Variants in CSMD1 observed in about 807,000 individuals in gnomAD.
The protein encoded by CSMD1 is CUB and Sushi multiple domains 1.
A neutral mutation model predicts 417.5 loss-of-function variants in CSMD1; 213 were observed. The observed-to-expected ratio is 0.51, with a 90% CI of 0.46 to 0.57. CSMD1 has a LOEUF of 0.57. Among genes scored for constraint, CSMD1 ranks in the 20% least tolerant of loss-of-function variants. The pLI is 0.00. For missense variants in CSMD1, 6,923 were observed against 4,529.7 expected (o/e 1.53, Z -15.17); for synonymous variants, 2,862 against 1,736.8 (o/e 1.65, Z -16.11).
At chr8:3,885,784 A>G in intron 5 of CSMD1, among the ~76,000 whole-genome samples, 1 of 152,328 alleles carries the variant, frequency 6.6e-6, no homozygotes, top group South Asian at 2.1e-4. Flanking sequence ...TTTATGACAG[A>G]AAGCTGACTT....
intron 2 of CSMD1, among the ~76,000 whole-genome samples, chr8:4,448,800 G>C (rs762851665): frequency 1.4e-4 from 21 of 152,134 alleles, no homozygotes; most frequent in Non-Finnish European, 2.5e-4. Flanking sequence ...TGCAGAAGGA[G>C]ACAGAAACCT....
rs55993904 is a variant in CSMD1 at position 4,138,044 on chromosome 8, A to ATTTTT, written c.416-105950_416-105946dup. On this transcript the variant is annotated intron_variant, in intron 3 of 69. Coordinates refer to ENST00000635120, the MANE Select transcript of CSMD1 (RefSeq NM_033225.6). The stretch of plus-strand genomic sequence containing the variant: ...AGGCGCCCGCCACCATGCCCGGCTA[A>ATTTTT]TTTTTTTTTTTTTTTTTTTTTTTTT... 4.1e-4 allele frequency among the ~76,000 whole-genome samples: 26 copies of ATTTTT among 62,700 alleles called. 1 individual carries two copies. Among genetic ancestry groups the ATTTTT allele is most frequent in the African/African-American group, 8.2e-4 (13 of 15,874 alleles). The allele number at this position is 62,700 out of a possible 152,430, so 41.1% of individuals were successfully genotyped here.
chr8:3,143,761 T>G (rs369350660), intron 40 of CSMD1, among the ~76,000 whole-genome samples: 2 of 152,152 alleles, frequency 1.3e-5, no homozygotes, highest in Non-Finnish European at 2.9e-5. Context: ...TTTAAAAAAA[T>G]TTTTGCATCT....
chr8:3,313,618 C>A (rs1302188350), intron 23 of CSMD1, among the ~76,000 whole-genome samples: 1 of 151,418 alleles, frequency 6.6e-6, no homozygotes. Flanking sequence ...AGTCAGGAAA[C>A]AACAGGTGCT....
intron 3 of CSMD1, among the ~76,000 whole-genome samples, chr8:4,069,537 A>T (rs1288163496): frequency 6.6e-6 from 1 of 152,018 alleles, no homozygotes; most frequent in East Asian, 1.9e-4. Flanking sequence ...TGTTCTTACC[A>T]CCCTCCCTCT....
intron 6 of CSMD1, among the ~76,000 whole-genome samples, chr8:3,744,726 T>C (rs927804651): frequency 1.3e-5 from 2 of 151,988 alleles, no homozygotes; most frequent in Non-Finnish European, 2.9e-5. Context: ...AAATGAAGAG[T>C]CAGTGACTTA....
intron 31 of CSMD1, among the ~76,000 whole-genome samples, chr8:3,203,672 A>T (rs534675755): frequency 9.8e-4 from 150 of 152,338 alleles, no homozygotes; most frequent in Non-Finnish European, 1.4e-3. Context: ...CTCAAAGGCC[A>T]CCCTGAAAAC....
At position 3,089,721 on chromosome 8, in the gene CSMD1, A is replaced by G. The variant is rs1814800430; in HGVS notation, c.7285+1795T>C. On this transcript the variant is annotated intron_variant, in intron 48 of 69. Coordinates refer to ENST00000635120, the MANE Select transcript of CSMD1 (RefSeq NM_033225.6). Reference sequence around the variant, plus strand: ...TAGATAAAGAATTTTTTATATTCACATATGACACGTGTCTATCTATCTGCC... The same window carrying G: ...TAGATAAAGAATTTTTTATATTCACGTATGACACGTGTCTATCTATCTGCC... Among the ~76,000 whole-genome samples, 3 of 150,130 alleles carry G rather than the reference A, an allele frequency of 2.0e-5. No homozygotes were observed. In the South Asian group the frequency reaches 6.4e-4, roughly 32 times the overall value.
intron 3 of CSMD1, among the ~76,000 whole-genome samples, chr8:4,283,629 A>C (rs1039341110): frequency 6.6e-6 from 1 of 152,194 alleles, no homozygotes. Flanking sequence ...TTCCCAAGAA[A>C]TGTGGGTAGA....
intron 54 of CSMD1, among the ~76,000 whole-genome samples, chr8:2,993,656 T>G (rs1453018551): frequency 6.6e-6 from 1 of 152,164 alleles, no homozygotes; most frequent in Admixed American, 6.5e-5. Flanking sequence ...GACGTATAGA[T>G]CTAATCCTCT....
At chr8:4,056,369 C>A (rs1169886759) in intron 3 of CSMD1, among the ~76,000 whole-genome samples, 1 of 151,338 alleles carries the variant, frequency 6.6e-6, no homozygotes, top group African/African-American at 2.4e-5. Context: ...AGGCATGAGC[C>A]ACCATGCCCA....
chr8:3,257,295 G>A (rs960876030), intron 26 of CSMD1, among the ~76,000 whole-genome samples: 1 of 152,204 alleles, frequency 6.6e-6, no homozygotes, highest in African/African-American at 2.4e-5. Flanking sequence ...CTGCACTCCA[G>A]CCCGCGCTAT....
intron 5 of CSMD1, among the ~76,000 whole-genome samples, chr8:3,803,104 C>G (rs1800546496): frequency 6.6e-6 from 1 of 152,164 alleles, no homozygotes; most frequent in African/African-American, 2.4e-5. Context: ...ATGCAGTGTT[C>G]TCTCCATCAT....
intron 12 of CSMD1, among the ~76,000 whole-genome samples, chr8:3,441,173 G>C (rs1242630997): frequency 1.3e-5 from 2 of 152,072 alleles, no homozygotes; most frequent in Admixed American, 6.6e-5. Flanking sequence ...GCTGTAAAAG[G>C]CTGGGAATGG....
chr8:4,647,404 G>T (rs1803593462), intron 1 of CSMD1, among the ~76,000 whole-genome samples: 1 of 150,936 alleles, frequency 6.6e-6, no homozygotes, highest in African/African-American at 2.4e-5. Flanking sequence ...GGTCTGTTAG[G>T]TAGGTACGCG....
At chr8:3,659,681 C>G (rs75688405) in intron 7 of CSMD1, among the ~76,000 whole-genome samples, 1 of 152,220 alleles carries the variant, frequency 6.6e-6, no homozygotes, top group East Asian at 1.9e-4. Context: ...TTTCTGTTAA[C>G]AATATGGGCT....
chr8:3,966,370 A>G (rs1812677891), intron 5 of CSMD1, among the ~76,000 whole-genome samples: 1 of 152,174 alleles, frequency 6.6e-6, no homozygotes. Context: ...ATAAACATCC[A>G]AGTCTTGCGT....
At chr8:4,390,545 G>C (rs11989046) in intron 3 of CSMD1, among the ~76,000 whole-genome samples, 9,737 of 43,356 alleles carry the variant, frequency 0.22, 1,127 homozygotes, top group African/African-American at 0.47. Flanking sequence ...ATGGAGTCTT[G>C]CTCTGTTGCC....
intron 41 of CSMD1, among the ~76,000 whole-genome samples, chr8:3,141,922 C>A (rs955871192): frequency 1.3e-5 from 2 of 151,806 alleles, no homozygotes; most frequent in African/African-American, 4.8e-5. Flanking sequence ...CTCAGCCTCC[C>A]GAGTAGCTGG....
Sources: allele counts gnomAD v4.1 joint callset (sites outside exome capture counted in the v4.1 genomes callset), GRCh38; gene constraint gnomAD v4.1.1; transcripts MANE v1.5; gene names NCBI Gene and HGNC (gene_info 2026-07-23, HGNC 2026-07-21).